Variants in HECW1 observed in about 807,000 individuals in gnomAD.
HECW1 encodes E3 ubiquitin-protein ligase HECW1.
A neutral mutation model predicts 182.3 loss-of-function variants in HECW1; 61 were observed. The ratio of observed to expected loss-of-function variants is 0.33; its 90% CI spans 0.27 to 0.41. The LOEUF (loss-of-function observed/expected upper bound fraction) is 0.41, where lower values mean the gene tolerates loss of function less well. Among genes scored for constraint, HECW1 ranks in the 10% least tolerant of loss-of-function variants. HECW1 has a pLI of 1.00. For missense variants in HECW1, 1,739 were observed against 2,108.9 expected, an observed-to-expected ratio of 0.82 and a Z score of 3.44; for synonymous variants, 859 against 832.6, an observed-to-expected ratio of 1.03 and a Z score of -0.55.
intron 5 of HECW1, among the ~76,000 whole-genome samples, chr7:43,356,414 C>CA (rs1562879062): frequency 7.2e-5 from 11 of 152,106 alleles, no homozygotes. Context: ...GTAAAGCAAA[C>CA]ATTAATAGAT....
At chr7:43,187,635 CTTTAT>C (rs1793535440) in intron 2 of HECW1, among the ~76,000 whole-genome samples, 1 of 151,350 alleles carries the variant, frequency 6.6e-6, no homozygotes, top group Non-Finnish European at 1.5e-5. Flanking sequence ...TGGGCTTTTC[CTTTAT>C]ATTATAATTT....
chr7:43,137,701 C>T (rs984905147), intron 2 of HECW1, among the ~76,000 whole-genome samples: 21 of 152,034 alleles, frequency 1.4e-4, no homozygotes, highest in Admixed American at 2.6e-4. Context: ...AGGCATGTGC[C>T]ACCACGCCCA....
intron 2 of HECW1, among the ~76,000 whole-genome samples, chr7:43,178,846 A>C (rs1019151739): frequency 6.6e-6 from 1 of 152,234 alleles, no homozygotes; most frequent in Non-Finnish European, 1.5e-5. Context: ...AGATCCTTTC[A>C]TTGTAGATTC....
chr7:43,481,065 C>G (rs182607035), intron 17 of HECW1, among the ~76,000 whole-genome samples: 278 of 152,204 alleles, frequency 1.8e-3, no homozygotes, highest in Middle Eastern at 0.01. Context: ...CTAAATCTTT[C>G]TTTCTTCATA....
intron 2 of HECW1, among the ~76,000 whole-genome samples, chr7:43,220,762 G>A (rs569926422): frequency 6.6e-6 from 1 of 152,242 alleles, no homozygotes; most frequent in Admixed American, 6.5e-5. Flanking sequence ...CAACCAGATA[G>A]TAGGTTTAGG....
At chr7:43,555,007 T>G (rs2081971850) in intron 29 of HECW1, among the ~76,000 whole-genome samples, 1 of 152,196 alleles carries the variant, frequency 6.6e-6, no homozygotes. Context: ...TGATGGTATT[T>G]GAGCTGTAAT....
At chr7:43,159,085 G>A (rs1790209661) in intron 2 of HECW1, among the ~76,000 whole-genome samples, 1 of 151,566 alleles carries the variant, frequency 6.6e-6, no homozygotes, top group African/African-American at 2.4e-5. Context: ...AAACATTCAC[G>A]CCATTGCATG....
chr7:43,540,804 A>G (rs2081337414), intron 24 of HECW1, among the ~76,000 whole-genome samples: 1 of 152,190 alleles, frequency 6.6e-6, no homozygotes, highest in Non-Finnish European at 1.5e-5. Flanking sequence ...GTGTCACTGG[A>G]TCTGGGTCCT....
intron 11 of HECW1, among the ~76,000 whole-genome samples, chr7:43,449,061 G>A (rs7783180): frequency 0.3 from 45,943 of 152,140 alleles, 7,724 homozygotes; most frequent in South Asian, 0.43. Context: ...AGTCAACAAT[G>A]TTGTATTTCC....
rs769451684 is a variant in HECW1 at position 43,444,713 on chromosome 7, C to G, written c.1541C>G (p.Thr514Ser). 10 of 1,611,142 alleles carry G rather than the reference C, an allele frequency of 6.2e-6. No individual in the cohort carries two copies. Among genetic ancestry groups the G allele is most frequent in the Non-Finnish European group, 8.5e-6 (10 of 1,178,578 alleles). Residue 514 changes from threonine (T) to serine (S), a missense_variant, in exon 11 of 30, where the codon ACC becomes AGC. Transcript: ENST00000395891. The surrounding 1 kb of genome is among the most constrained non-coding windows in gnomAD (Gnocchi z 4.3). ...KEQEEEGDVSTLEQGEGRLQL... is the reference protein window; with the variant it reads ...KEQEEEGDVSSLEQGEGRLQL... ...CAGGAGGAGGAGGGAGATGTGTCTA[C>G]CCTGGAGCAGGGAGAGGGCAGGCTG...
At chr7:43,217,813 AGGAAAGGAACTATTTTT>A (rs1796574104) in intron 2 of HECW1, among the ~76,000 whole-genome samples, 1 of 152,240 alleles carries the variant, frequency 6.6e-6, no homozygotes. Context: ...TAGAATTATC[AGGAAAGGAACTATTTTT>A]GGTCACTGAG....
At chr7:43,152,641 C>T (rs1004065125) in intron 2 of HECW1, among the ~76,000 whole-genome samples, 4 of 151,760 alleles carry the variant, frequency 2.6e-5, no homozygotes, top group African/African-American at 7.3e-5. Context: ...TTCTTTTTAC[C>T]TGCCTGTTTG....
At chr7:43,234,113 A>C (rs542441127) in intron 2 of HECW1, among the ~76,000 whole-genome samples, 12 of 152,318 alleles carry the variant, frequency 7.9e-5, no homozygotes, top group Admixed American at 4.6e-4. Flanking sequence ...TACAAATTAC[A>C]TGCAATACCG....
chr7:43,260,676 T>C (rs1178503649), intron 3 of HECW1, among the ~76,000 whole-genome samples: 1 of 152,008 alleles, frequency 6.6e-6, no homozygotes, highest in Non-Finnish European at 1.5e-5. Context: ...TCTGTGAAGA[T>C]GGAGAGAGGT....
intron 24 of HECW1, among the ~76,000 whole-genome samples, chr7:43,515,521 C>G (rs962651726): frequency 1.3e-5 from 2 of 152,158 alleles, no homozygotes; most frequent in Non-Finnish European, 2.9e-5. Flanking sequence ...ATGAACAAAA[C>G]TTGGTGATAG....
intron 21 of HECW1, among the ~76,000 whole-genome samples, chr7:43,503,259 T>C (rs2079440248): frequency 2.0e-5 from 3 of 152,162 alleles, no homozygotes; most frequent in Non-Finnish European, 2.9e-5. Flanking sequence ...TCACACACTT[T>C]TAGCACTCAT....
intron 3 of HECW1, among the ~76,000 whole-genome samples, chr7:43,296,537 C>A (rs899563426): frequency 1.8e-4 from 28 of 152,298 alleles, no homozygotes; most frequent in African/African-American, 6.5e-4. Flanking sequence ...CTGCGGAAGC[C>A]TCAAGTTGAA....
At chr7:43,214,738 G>C (rs972567304) in intron 2 of HECW1, among the ~76,000 whole-genome samples, 19 of 152,230 alleles carry the variant, frequency 1.2e-4, no homozygotes, top group African/African-American at 4.6e-4. Context: ...GCAGGCATGA[G>C]CAGATGCAGG....
intron 3 of HECW1, among the ~76,000 whole-genome samples, chr7:43,255,293 G>A (rs529744045): frequency 9.9e-5 from 15 of 152,254 alleles, no homozygotes; most frequent in Non-Finnish European, 1.2e-4. Context: ...TTCAGTCACC[G>A]TTGCATAAAA....
Sources: allele counts gnomAD v4.1 joint callset (sites outside exome capture counted in the v4.1 genomes callset), GRCh38; gene constraint gnomAD v4.1.1; non-coding constraint Gnocchi (gnomAD v3.1); transcripts MANE v1.5; gene names NCBI Gene and HGNC (gene_info 2026-07-23, HGNC 2026-07-21).